The following GSE1 variants were observed in gnomAD, a reference collection of about 807,000 sequenced individuals.
The protein encoded by GSE1 is genetic suppressor element 1.
A neutral mutation model predicts 112.6 loss-of-function variants in GSE1; 32 were observed. That is an observed-to-expected ratio of 0.28 (90% CI 0.21 to 0.38). GSE1 has a LOEUF of 0.38. Ranked by LOEUF, GSE1 falls within the 10% of genes least tolerant of loss-of-function variation. The probability of loss-of-function intolerance (pLI) is 1.00; values close to 1 mark genes in which losing one functional copy is unlikely to be tolerated. For missense variants in GSE1, 2,348 were observed against 1,699.2 expected, an observed-to-expected ratio of 1.38 and a Z score of -6.71; for synonymous variants, 1,115 against 735.6, an observed-to-expected ratio of 1.52 and a Z score of -8.35.
intron 2 of GSE1, among the ~76,000 whole-genome samples, chr16:85,478,308 C>G (rs537141243): frequency 6.6e-6 from 1 of 152,042 alleles, no homozygotes; most frequent in Non-Finnish European, 1.5e-5. Context: ...GGGCAGATCA[C>G]TTGAGACCAG....
At chr16:85,589,643 G>A (rs1327500536) in intron 1 of GSE1, among the ~76,000 whole-genome samples, 2 of 152,216 alleles carry the variant, frequency 1.3e-5, no homozygotes, top group Non-Finnish European at 2.9e-5. Context: ...GTCAGTGAAT[G>A]TGTATGTGTG....
At chr16:85,543,374 T>C (rs1451232093) in intron 2 of GSE1, among the ~76,000 whole-genome samples, 2 of 152,148 alleles carry the variant, frequency 1.3e-5, no homozygotes, top group Non-Finnish European at 2.9e-5. Context: ...TAATAGTAGA[T>C]ATTTCTTTTC....
chr16:85,655,085 G>C (rs2051804262), intron 5 of GSE1, 94 bp downstream of exon 5: 1 of 833,162 alleles, frequency 1.2e-6, no homozygotes, highest in Non-Finnish European at 2.0e-6. Flanking sequence ...TGACCTGAGA[G>C]CCAGGCTCCT....
chr16:85,176,477 C>G (rs1437894781), intron 1 of GSE1, among the ~76,000 whole-genome samples: 5 of 152,220 alleles, frequency 3.3e-5, no homozygotes, highest in Non-Finnish European at 5.9e-5. Context: ...CTTGGCTTCC[C>G]CAGTGTGGAC....
At chr16:85,616,335 A>T (rs1442553438) in intron 1 of GSE1, among the ~76,000 whole-genome samples, 1 of 152,232 alleles carries the variant, frequency 6.6e-6, no homozygotes, top group Non-Finnish European at 1.5e-5. Flanking sequence ...AGTGCGGATA[A>T]GCTAGAGGGC....
upstream of GSE1, among the ~76,000 whole-genome samples, chr16:85,612,747 C>A (rs945789341): frequency 6.6e-6 from 1 of 152,132 alleles, no homozygotes; most frequent in African/African-American, 2.4e-5. Flanking sequence ...TCGCCTCCCC[C>A]CACCCCACGC....
At chr16:85,258,379 T>C (rs767430614) in intron 1 of GSE1, among the ~76,000 whole-genome samples, 10 of 152,086 alleles carry the variant, frequency 6.6e-5, no homozygotes, top group Non-Finnish European at 1.5e-4. Flanking sequence ...TGAGCCACAG[T>C]GAAAGGATGT....
At chr16:85,586,926 G>A (rs1343166348) in intron 1 of GSE1, among the ~76,000 whole-genome samples, 2 of 152,264 alleles carry the variant, frequency 1.3e-5, no homozygotes, top group East Asian at 1.9e-4. Context: ...GTAAGTGCCC[G>A]CAGCTGCCAG....
At chr16:85,287,814 G>A (rs1239822347) in intron 1 of GSE1, among the ~76,000 whole-genome samples, 1 of 152,166 alleles carries the variant, frequency 6.6e-6, no homozygotes, top group Admixed American at 6.5e-5. Context: ...CCCTGCTGAA[G>A]CCTAAAGGAG....
rs376367208 is a variant in GSE1, at chr16:85,173,266, A to G, written c.2283+1459A>G. On this transcript the variant is annotated intron_variant, in intron 1 of 2. Transcript: ENST00000637419. ...CAACCAAGACTCAGATAAGTCAGAC[A>G]ACACTCAGTCAGTAGGTATCTGAGG... Among the ~76,000 whole-genome samples, 4 of 152,212 alleles carry G rather than the reference A, an allele frequency of 2.6e-5. No individual in the cohort carries two copies. In the South Asian group the frequency reaches 8.3e-4, roughly 32 times the overall value.
rs76823976 is a variant in GSE1 at position 85,302,045 on chromosome 16, C to T, written c.2284-55418C>T. 4.9e-3 allele frequency among the ~76,000 whole-genome samples: 743 copies of T among 152,298 alleles called. 8 individuals are homozygous for T. Among genetic ancestry groups the T allele is most frequent in the African/African-American group, 0.017 (704 of 41,556 alleles). ...AGGGCTGTTTCCAAACCTCCCTCCC[C>T]GGCTGAGCTGCAGGGCAGCCCTCTG... On this transcript the variant is annotated intron_variant, in intron 1 of 2. Transcript: ENST00000637419.
chr16:85,328,490 C>G (rs1187777853), intron 1 of GSE1, among the ~76,000 whole-genome samples: 2 of 152,228 alleles, frequency 1.3e-5, no homozygotes, highest in African/African-American at 2.4e-5. Context: ...ACTCCAGGCT[C>G]CTTTCAAGCT....
intron 1 of GSE1, among the ~76,000 whole-genome samples, chr16:85,333,567 G>A (rs982132907): frequency 2.3e-4 from 35 of 152,242 alleles, no homozygotes; most frequent in Non-Finnish European, 3.5e-4. Context: ...AGCTGGCTCC[G>A]CCTCTTTACT....
At chr16:85,597,868 C>G (rs1042884509) in intron 1 of GSE1, among the ~76,000 whole-genome samples, 8 of 152,200 alleles carry the variant, frequency 5.3e-5, no homozygotes, top group African/African-American at 1.9e-4. Context: ...AGCTGGGAAT[C>G]TGATTTGAAC....
chr16:85,221,317 C>CAA (rs2075387983), intron 1 of GSE1, among the ~76,000 whole-genome samples: 1 of 143,056 alleles, frequency 7.0e-6, no homozygotes, highest in African/African-American at 2.6e-5. Context: ...AGCGCGCACA[C>CAA]ACACACACAC....
chr16:85,552,176 C>G (rs113061699), upstream of GSE1, among the ~76,000 whole-genome samples: 10,082 of 151,686 alleles, frequency 0.066, 334 homozygotes, highest in Middle Eastern at 0.13. Flanking sequence ...CAGGTGCCCA[C>G]CACCACACCC....
intron 1 of GSE1, among the ~76,000 whole-genome samples, chr16:85,629,845 G>A (rs1006169202): frequency 6.6e-6 from 1 of 152,220 alleles, no homozygotes; most frequent in African/African-American, 2.4e-5. Context: ...AATAGAGGGT[G>A]TGGTGATGCT....
chr16:85,450,117 CTTTTTTTTT>C (rs59854597), intron 2 of GSE1, among the ~76,000 whole-genome samples: 1 of 79,506 alleles, frequency 1.3e-5, no homozygotes, highest in Non-Finnish European at 2.2e-5. Context: ...AGGCAGCTGA[CTTTTTTTTT>C]TTTTTTTTTT....
chr16:85,241,857 AATAGACCCCCTC>A (rs1905195517), intron 1 of GSE1, among the ~76,000 whole-genome samples: 1 of 152,056 alleles, frequency 6.6e-6, no homozygotes, highest in Non-Finnish European at 1.5e-5. Context: ...TGGCCTACAC[AATAGACCCCCTC>A]CCCGGGCACC....
Sources: allele counts gnomAD v4.1 joint callset (sites outside exome capture counted in the v4.1 genomes callset), GRCh38; gene constraint gnomAD v4.1.1; transcripts MANE v1.5; gene names NCBI Gene and HGNC (gene_info 2026-07-23, HGNC 2026-07-21).